CHST15: variants seen among roughly 807,000 people sequenced by gnomAD.
CHST15 encodes the protein carbohydrate sulfotransferase 15.
CHST15 carries 30 observed loss-of-function variants against 53.6 expected under a neutral mutation model. The ratio of observed to expected loss-of-function variants is 0.56; its 90% CI spans 0.42 to 0.76. The LOEUF (loss-of-function observed/expected upper bound fraction) is 0.76. Ranked by LOEUF, CHST15 falls within the 30% of genes least tolerant of loss-of-function variation. The pLI is 0.00. For synonymous variants in CHST15, 296 were observed against 289.8 expected (o/e 1.02, Z -0.22); for missense variants, 627 against 740.5 (o/e 0.85, Z 1.78).
chr10:124,042,628 G>A (rs77380676), intron 3 of CHST15, among the ~76,000 whole-genome samples, 181 bp from the exon 4 acceptor site: 1 of 152,264 alleles, frequency 6.6e-6, no homozygotes, highest in African/African-American at 2.4e-5. Context: ...GGTCTATGCG[G>A]CCTGGCTACC....
At chr10:124,087,481 C>A (rs1949468423) in intron 1 of CHST15, among the ~76,000 whole-genome samples, 1 of 152,170 alleles carries the variant, frequency 6.6e-6, no homozygotes, top group Admixed American at 6.5e-5. Flanking sequence ...AATTATTTGC[C>A]CATGTTGGGG....
In CHST15 at chr10:124,011,204, T is replaced by A. The variant is rs1312742932; in HGVS notation, c.1496-865A>T. 8 of 794,406 alleles carry A rather than the reference T, an allele frequency of 1.0e-5. No homozygotes were observed. In the African/African-American group the frequency reaches 1.3e-4, roughly 13 times the overall value. The allele number at this position is 794,406 out of a possible 1,614,324, so 49.2% of individuals were successfully genotyped here. A position where few individuals can be genotyped will look rare whatever the true frequency, so the allele number is the denominator to read the frequency against. On this transcript the variant is annotated intron_variant, in intron 7 of 7. Transcript: ENST00000435907. ...GGTGTAACCCATCACTGCTCAAGCC[T>A]CTTTACCGGGGGCTCTTGGGATCTG...
At chr10:124,037,561 A>G (rs918330622) in intron 5 of CHST15, among the ~76,000 whole-genome samples, 72 of 152,168 alleles carry the variant, frequency 4.7e-4, no homozygotes, top group Non-Finnish European at 6.8e-4. Flanking sequence ...ATGTGGAAGT[A>G]TTGGAGGGAG....
At position 124,064,103 on chromosome 10, in the gene CHST15, C is replaced by A. The variant is rs529560620; in HGVS notation, c.-512-17379G>T. ...AAGAGTGGAATCTTTCTCATAAGAT[C>A]TGGAAAGAATTCAGGCCTCATTATG... On this transcript the variant is annotated intron_variant, in intron 1 of 7. Transcript: ENST00000435907. Among the ~76,000 whole-genome samples the A allele has an allele frequency of 1.4e-3, 206 of 152,206 alleles. 1 individual carries two copies. The highest frequency in any genetic ancestry group is 6.8e-3 in the Middle Eastern group (2 of 294).
At chr10:124,010,375 G>A in intron 7 of CHST15, 36 bp from the exon 8 acceptor site, 5 of 1,511,522 alleles carry the variant, frequency 3.3e-6, no homozygotes, top group Non-Finnish European at 4.4e-6. Context: ...TAAGGCAGGA[G>A]GCATGGCAGG....
chr10:124,069,875 CAT>C (rs1298993289), intron 1 of CHST15, among the ~76,000 whole-genome samples: 7 of 152,198 alleles, frequency 4.6e-5, no homozygotes, highest in African/African-American at 1.7e-4. Flanking sequence ...GGTTCCATGA[CAT>C]GTGGAATATA....
intron 1 of CHST15, among the ~76,000 whole-genome samples, chr10:124,086,102 T>A (rs2134242476): frequency 6.6e-6 from 1 of 152,348 alleles, no homozygotes; most frequent in East Asian, 1.9e-4. Flanking sequence ...CAACTTAGAA[T>A]GTGACCTTGA....
At chr10:124,023,859 T>C (rs1340913021) in intron 5 of CHST15, among the ~76,000 whole-genome samples, 5 of 152,088 alleles carry the variant, frequency 3.3e-5, no homozygotes, top group Non-Finnish European at 1.5e-5. Flanking sequence ...TTTTTTTTTT[T>C]TGAAGCGGAG....
rs28544089 is a variant in CHST15, at chr10:124,044,762, G to A, written c.704C>T (p.Ala235Val). ...FRSTFDALRK[A>V]FWGHLAHAHG... Reference sequence around the variant, plus strand: ...CGCGTGCGCCAGGTGGCCCCAGAAGGCCTTGCGCAGGGCGTCGAAGGTGGA... The same window carrying A: ...CGCGTGCGCCAGGTGGCCCCAGAAGACCTTGCGCAGGGCGTCGAAGGTGGA... Residue 235 changes from alanine (A) to valine (V), a missense_variant, in exon 3 of 8, where the codon GCC becomes GTC. Coordinates refer to ENST00000435907, the MANE Select transcript of CHST15 (RefSeq NM_001270764.2). The A allele has an allele frequency of 8.7e-6, 14 of 1,612,608 alleles. No homozygotes were observed. The highest frequency in any genetic ancestry group is 1.2e-5 in the Non-Finnish European group (14 of 1,179,362).
intron 1 of CHST15, among the ~76,000 whole-genome samples, chr10:124,049,539 C>A (rs1039560337): frequency 6.6e-6 from 1 of 152,176 alleles, no homozygotes; most frequent in Non-Finnish European, 1.5e-5. Context: ...ACCAATCAGG[C>A]CTTTGTAATG....
Position 124,074,390 on chromosome 10 carries a change from G to A in CHST15, c.-513+19079C>T, listed in dbSNP as rs1004420455. Among the ~76,000 whole-genome samples the A allele has an allele frequency of 1.3e-5, 2 of 152,240 alleles. No individual in the cohort carries two copies. The highest frequency in any genetic ancestry group is 4.8e-5 in the African/African-American group (2 of 41,468). On this transcript the variant is annotated intron_variant, in intron 1 of 7. Transcript: ENST00000435907. This position sits in a 1 kb window ranked among gnomAD's most constrained non-coding sequence, Gnocchi z 4.4. ...AAACAGTGTGCCACCCAACTGCAAA[G>A]GGCACAATTCAGGTGGCAGGTAGGG...
chr10:124,044,973 A>T, intron 2 of CHST15, 54 bp from the exon 3 acceptor site: 1 of 1,275,516 alleles, frequency 7.8e-7, no homozygotes. Flanking sequence ...GAGCAAAGAC[A>T]CAATCTAACC....
intron 1 of CHST15, among the ~76,000 whole-genome samples, chr10:124,090,612 C>T (rs896455425): frequency 2.6e-5 from 4 of 152,344 alleles, no homozygotes; most frequent in Middle Eastern, 3.4e-3. Context: ...CTTCTCTCTT[C>T]CAGGCATGTG....
At chr10:124,014,414 G>GA (rs532752084) in intron 6 of CHST15, among the ~76,000 whole-genome samples, 31 of 152,232 alleles carry the variant, frequency 2.0e-4, no homozygotes, top group Non-Finnish European at 4.4e-4. Flanking sequence ...AAAGCAATTA[G>GA]AGTGGATAAG....
chr10:124,012,365 G>A lies in CHST15; in HGVS notation c.1463C>T (p.Thr488Ile). ...LEDHASNVKY[T>I]MHKVFQFLNL... ...CAGAAACTGGAAGACCTTGTGCATG[G>A]TGTACTTGACGTTGGATGCATGATC... The change falls in exon 7 of 8, where the codon ACC becomes ATC. Residue 488 changes from threonine (T) to isoleucine (I), a missense_variant. Around this residue, in one of 3 missense-constraint regions of CHST15, gnomAD observed 279 missense variants for 371.6 expected, o/e 0.75. Coordinates refer to ENST00000435907, the MANE Select transcript of CHST15 (RefSeq NM_001270764.2). 1 of 1,614,096 alleles carries A rather than the reference G, an allele frequency of 6.2e-7. No homozygotes were observed. The highest frequency in any genetic ancestry group is 8.5e-7 in the Non-Finnish European group (1 of 1,180,020).
chr10:124,016,464 C>T (rs1442515341), intron 6 of CHST15, among the ~76,000 whole-genome samples: 2 of 152,186 alleles, frequency 1.3e-5, no homozygotes, highest in African/African-American at 4.8e-5. Flanking sequence ...CTGCACCCCT[C>T]CTGTCCACTG....
At chr10:124,078,759 T>G (rs1949153329) in intron 1 of CHST15, among the ~76,000 whole-genome samples, 1 of 152,232 alleles carries the variant, frequency 6.6e-6, no homozygotes, top group African/African-American at 2.4e-5. Context: ...TCTAAAATGC[T>G]GTAGATCCCT....
At chr10:124,058,963 C>T (rs892654139) in intron 1 of CHST15, among the ~76,000 whole-genome samples, 1 of 152,148 alleles carries the variant, frequency 6.6e-6, no homozygotes, top group Non-Finnish European at 1.5e-5. Context: ...TTACATTTTA[C>T]AGGTGGGGAA....
intron 6 of CHST15, chr10:124,020,335 T>A (rs2133856574): frequency 1.0e-6 from 1 of 985,426 alleles, no homozygotes; most frequent in African/African-American, 1.7e-5. Flanking sequence ...GGTTCCAAAG[T>A]GTACTCCTCC....
Sources: gnomAD v4.1 joint callset for allele counts (sites outside exome capture counted in the v4.1 genomes callset) on GRCh38, gnomAD v4.1.1 for gene constraint, gnomAD v4.1.1 regional missense constraint, Gnocchi (gnomAD v3.1) non-coding constraint, MANE v1.5 for transcripts, NCBI Gene and HGNC (gene_info 2026-07-23, HGNC 2026-07-21) for gene names.